MYZAP: variants seen among roughly 807,000 people sequenced by gnomAD.
MYZAP encodes the protein myocardial zonula adherens protein, also known as GRINL1A complex locus upstream.
In MYZAP, 66 loss-of-function variants were observed where a neutral mutation model predicts 69.4. The observed-to-expected ratio is 0.95, with a 90% CI of 0.78 to 1.17. The LOEUF is 1.17. Ranked by LOEUF, MYZAP falls within the 50% of genes most tolerant of loss-of-function variation. The probability of loss-of-function intolerance (pLI) is 0.00; values close to 1 mark genes in which losing one functional copy is unlikely to be tolerated. For missense variants in MYZAP, 611 were observed against 556.2 expected (o/e 1.10, Z -0.99); for synonymous variants, 256 against 205.9 (o/e 1.24, Z -2.09).
At chr15:57,607,456 C>CT (rs56013362) in intron 2 of MYZAP, among the ~76,000 whole-genome samples, 1 of 151,556 alleles carries the variant, frequency 6.6e-6, no homozygotes, top group Admixed American at 6.6e-5. Flanking sequence ...ATAGGACCCT[C>CT]TTTTTTAAAA....
At chr15:57,681,371 G>T (rs2039431125) in intron 12 of MYZAP, among the ~76,000 whole-genome samples, 1 of 152,220 alleles carries the variant, frequency 6.6e-6, no homozygotes, top group Admixed American at 6.5e-5. Context: ...TGGGGTAATA[G>T]CTCTGTGGCT....
At chr15:57,613,980 A>C (rs1412442593) in intron 2 of MYZAP, among the ~76,000 whole-genome samples, 1 of 152,230 alleles carries the variant, frequency 6.6e-6, no homozygotes, top group East Asian at 1.9e-4. Flanking sequence ...CATCTTGCTC[A>C]ACATATCAGC....
chr15:57,602,649 A>T (rs923572359), intron 1 of MYZAP, among the ~76,000 whole-genome samples: 3 of 152,214 alleles, frequency 2.0e-5, no homozygotes, highest in African/African-American at 7.2e-5. Flanking sequence ...CTGAGCCCAC[A>T]TGGCATTTCA....
chr15:57,635,418 G>C (rs1224355413), intron 8 of MYZAP, among the ~76,000 whole-genome samples: 3 of 152,190 alleles, frequency 2.0e-5, no homozygotes, highest in Non-Finnish European at 4.4e-5. Context: ...CTTCATTGCT[G>C]TCTTGAGGTT....
At position 57,684,625 on chromosome 15, in the gene MYZAP, G is replaced by C. The variant is rs933949532; in HGVS notation, c.*127G>C. On this transcript the variant is annotated 3_prime_UTR_variant, in exon 13 of 13. Coordinates refer to ENST00000267853, the MANE Select transcript of MYZAP (RefSeq NM_001018100.5). ...GTAAGCCGGAATGGGAATCGCTGAGGCTCTGATCCACTTCTAAGACAGGAA... is the reference window on the plus strand; with the variant it reads ...GTAAGCCGGAATGGGAATCGCTGAGCCTCTGATCCACTTCTAAGACAGGAA... The C allele has an allele frequency of 1.4e-5, 9 of 657,962 alleles. No individual in the cohort carries two copies. The African/African-American group carries it at 1.6e-4, about 12-fold the overall frequency. 40.8% of individuals were successfully genotyped at this position (657,962 alleles called of 1,614,324 possible).
Position 57,632,501 on chromosome 15 carries a change from A to G in MYZAP, c.746A>G (p.Tyr249Cys). 6.2e-7 allele frequency: 1 copy of G among 1,614,208 alleles called. No homozygotes were observed. The highest frequency in any genetic ancestry group is 1.1e-5 in the South Asian group (1 of 91,086). ...REMTKKLYSQYEEKLQEEQRK... is the reference protein window; with the variant it reads ...REMTKKLYSQCEEKLQEEQRK... ...ATGACCAAGAAGCTGTACAGCCAGT[A>G]TGAGGAGAAGCTGCAGGAAGAACAG... Residue 249 changes from tyrosine to cysteine, a missense_variant, in exon 7 of 13, where the codon TAT (tyrosine) becomes TGT (cysteine). Transcript: ENST00000267853.
At chr15:57,671,683 A>T (rs1398743322) in intron 11 of MYZAP, among the ~76,000 whole-genome samples, 2 of 151,718 alleles carry the variant, frequency 1.3e-5, no homozygotes, top group Non-Finnish European at 1.5e-5. Flanking sequence ...AGTGACTTTT[A>T]AAAAAAAATT....
intron 3 of MYZAP, 36 bp from the exon 4 acceptor site, chr15:57,621,572 G>C: frequency 6.2e-7 from 1 of 1,604,068 alleles, no homozygotes; most frequent in Non-Finnish European, 8.5e-7. Flanking sequence ...AAAATGTTAT[G>C]GCTTGATCTC....
At chr15:57,635,618 T>C (rs1422687259) in intron 8 of MYZAP, among the ~76,000 whole-genome samples, 4 of 152,358 alleles carry the variant, frequency 2.6e-5, no homozygotes, top group Non-Finnish European at 4.4e-5. Flanking sequence ...AATCTTCCTT[T>C]CCATTTAGGC....
At chr15:57,614,377 T>C (rs2035298765) in intron 2 of MYZAP, among the ~76,000 whole-genome samples, 1 of 152,236 alleles carries the variant, frequency 6.6e-6, no homozygotes, top group Admixed American at 6.5e-5. Flanking sequence ...GATACTGACA[T>C]ACACCAACAG....
At chr15:57,615,971 A>AC (rs2035411664) in intron 2 of MYZAP, among the ~76,000 whole-genome samples, 12 of 151,994 alleles carry the variant, frequency 7.9e-5, no homozygotes, top group Admixed American at 5.9e-4. Context: ...ACAAAACAAA[A>AC]AACAAGCAAT....
At chr15:57,621,298 C>T (rs2140396263) in intron 3 of MYZAP, among the ~76,000 whole-genome samples, 1 of 150,616 alleles carries the variant, frequency 6.6e-6, no homozygotes, top group South Asian at 2.1e-4. Flanking sequence ...GCAAGCTCCG[C>T]CTGCCGGATT....
intron 3 of MYZAP, among the ~76,000 whole-genome samples, chr15:57,621,271 C>A (rs1188100731): frequency 7.0e-6 from 1 of 142,412 alleles, no homozygotes; most frequent in East Asian, 2.1e-4. Context: ...AGTGCAGTGG[C>A]ATGATCTCGG....
intron 3 of MYZAP, among the ~76,000 whole-genome samples, chr15:57,619,894 C>G (rs1228980177): frequency 6.6e-6 from 1 of 152,050 alleles, no homozygotes; most frequent in Non-Finnish European, 1.5e-5. Context: ...ATGACATGTA[C>G]CAAAGACATG....
In MYZAP at chr15:57,604,131, C is replaced by T. The variant is rs190913965; in HGVS notation, c.76-138C>T. 3.2e-4 allele frequency: 293 copies of T among 910,378 alleles called. No individual in the cohort carries two copies. The African/African-American group carries it at 4.2e-3, about 13-fold the overall frequency. The allele number at this position is 910,378 out of a possible 1,614,324, so 56.4% of individuals were successfully genotyped here. ...GTGAAGGTAAGGCTGGCCTTATCTC[C>T]TCTATGGCTCCTGTATGATCAGGAC... On this transcript the variant is annotated intron_variant, in intron 1 of 12. Transcript: ENST00000267853.
At chr15:57,609,631 G>C (rs1284799233) in intron 2 of MYZAP, among the ~76,000 whole-genome samples, 5 of 152,132 alleles carry the variant, frequency 3.3e-5, no homozygotes, top group African/African-American at 4.8e-5. Flanking sequence ...ACCCATAACA[G>C]GTTCTTTGAG....
intron 10 of MYZAP, among the ~76,000 whole-genome samples, chr15:57,653,450 A>G (rs1471267615): frequency 6.6e-6 from 1 of 152,364 alleles, no homozygotes; most frequent in Admixed American, 6.5e-5. Flanking sequence ...CAAATTTTAA[A>G]TAAAATAAAC....
chr15:57,657,585 A>G (rs2038069745), intron 10 of MYZAP, among the ~76,000 whole-genome samples: 1 of 152,124 alleles, frequency 6.6e-6, no homozygotes, highest in South Asian at 2.1e-4. Flanking sequence ...TGAAATTGAT[A>G]TTTCATAATT....
chr15:57,619,883 G>T (rs776274917), intron 3 of MYZAP, among the ~76,000 whole-genome samples: 1 of 152,106 alleles, frequency 6.6e-6, no homozygotes, highest in Admixed American at 6.5e-5. Flanking sequence ...CTGAGCTGTG[G>T]ATGACATGTA....
Sources: allele counts gnomAD v4.1 joint callset (sites outside exome capture counted in the v4.1 genomes callset), GRCh38; gene constraint gnomAD v4.1.1; transcripts MANE v1.5; gene names NCBI Gene and HGNC (gene_info 2026-07-23, HGNC 2026-07-21).